Variants in DACT1 observed in about 807,000 individuals in gnomAD.
The protein encoded by DACT1 is dishevelled binding antagonist of beta catenin 1, also known as dapper homolog 1.
DACT1 carries 19 observed loss-of-function variants against 35.3 expected under a neutral mutation model. That is an observed-to-expected ratio of 0.54 (90% CI 0.38 to 0.79). DACT1 has a LOEUF of 0.79. Among genes scored for constraint, DACT1 ranks in the 30% least tolerant of loss-of-function variants. The probability of loss-of-function intolerance (pLI) is 0.00; values close to 1 mark genes in which losing one functional copy is unlikely to be tolerated. For missense variants in DACT1, 1,143 were observed against 1,057.5 expected, an observed-to-expected ratio of 1.08 and a Z score of -1.12; for synonymous variants, 545 against 466.7, an observed-to-expected ratio of 1.17 and a Z score of -2.16.
In DACT1 at chr14:58,639,343, T is replaced by C. The variant is rs1360583733; in HGVS notation, c.345+796T>C. ...TCATTAATGGGGAAGAAAAAGAACT[T>C]TGTAGCTTAATGTATTGATGAACAG... On this transcript the variant is annotated intron_variant, in intron 1 of 3. Coordinates refer to ENST00000395153, the MANE Select transcript of DACT1 (RefSeq NM_001079520.2). 3 of 865,894 alleles carry C rather than the reference T, an allele frequency of 3.5e-6. No homozygotes were observed. In the African/African-American group the frequency reaches 5.5e-5, roughly 16 times the overall value. The allele number at this position is 865,894 out of a possible 1,614,324, so 53.6% of individuals were successfully genotyped here.
At chr14:58,642,714 A>G (rs2047639606) in intron 3 of DACT1, among the ~76,000 whole-genome samples, 1 of 152,176 alleles carries the variant, frequency 6.6e-6, no homozygotes. Context: ...TCAGTCTAAC[A>G]CTCACATTAA....
chr14:58,647,293 G>T lies in DACT1; in HGVS notation c.*159G>T. The T allele has an allele frequency of 1.2e-6, 1 of 817,092 alleles. No homozygotes were observed. Among genetic ancestry groups the T allele is most frequent in the Non-Finnish European group, 1.9e-6 (1 of 523,234 alleles). 50.6% of individuals were successfully genotyped at this position (817,092 alleles called of 1,614,324 possible). A position where few individuals can be genotyped will look rare whatever the true frequency, so the allele number is the denominator to read the frequency against. On this transcript the variant is annotated 3_prime_UTR_variant, in exon 4 of 4. Coordinates refer to ENST00000395153, the MANE Select transcript of DACT1 (RefSeq NM_001079520.2). ...AATTATTGTTTCATCTTCACGTATGGATGCTAGTGCCTTTAATGGAAGGTA... is the reference window on the plus strand; with the variant it reads ...AATTATTGTTTCATCTTCACGTATGTATGCTAGTGCCTTTAATGGAAGGTA...
Position 58,646,641 on chromosome 14 carries a change from G to T in DACT1, c.1907G>T (p.Arg636Leu). The change falls in exon 4 of 4, where the codon CGA (arginine) becomes CTA (leucine). Residue 636 changes from arginine to leucine, a missense_variant. Arg to Leu is a moderately radical substitution (Grantham distance 102). Around this residue, in one of 3 missense-constraint regions of DACT1, gnomAD observed 1,054 missense variants for 958.8 expected, o/e 1.10. Transcript: ENST00000395153. ...GTGGTGGCCAAACCTAAGCACAAGC[G>T]AACTGACTACCGGCGGTGGAAGTCC... ...EAVVAKPKHK[R>L]TDYRRWKSSA... 2 of 1,612,060 alleles carry T rather than the reference G, an allele frequency of 1.2e-6. No homozygotes were observed. The highest frequency in any genetic ancestry group is 2.2e-5 in the East Asian group (1 of 44,820).
In DACT1 at chr14:58,645,923, C is replaced by T; in HGVS notation, c.1189C>T (p.Pro397Ser). 6.2e-7 allele frequency: 1 copy of T among 1,614,092 alleles called. No homozygotes were observed. Among genetic ancestry groups the T allele is most frequent in the Non-Finnish European group, 8.5e-7 (1 of 1,180,040 alleles). Residue 397 changes from proline (P) to serine (S), a missense_variant, in exon 4 of 4, where the codon CCC becomes TCC. Physicochemically the swap from Pro to Ser is moderately conservative, Grantham distance 74. Coordinates refer to ENST00000395153, the MANE Select transcript of DACT1 (RefSeq NM_001079520.2). ...CGAACAAGCCGAAAGCAAGAGGGTG[C>T]CCCTGCCAGAGGGCTGCCCCTCAGG... Reference protein sequence around the residue: ...KAEQAESKRVPLPEGCPSGAA... With the variant: ...KAEQAESKRVSLPEGCPSGAA...
At chr14:58,645,333 C>G in intron 3 of DACT1, 36 bp from the exon 4 acceptor site, 3 of 1,614,242 alleles carry the variant, frequency 1.9e-6, no homozygotes, top group Non-Finnish European at 2.5e-6. Context: ...CGTTCCCTCT[C>G]CACACCACAA....
upstream of DACT1, among the ~76,000 whole-genome samples, chr14:58,637,391 T>C (rs2047580226): frequency 6.6e-6 from 1 of 152,228 alleles, no homozygotes; most frequent in Non-Finnish European, 1.5e-5. Flanking sequence ...GAACACTGCA[T>C]TGTGCTCTGT....
chr14:58,646,712 G>C lies in DACT1; in HGVS notation c.1978G>C (p.Gly660Arg), dbSNP rs698025. ...YEEALRRARR[G>R]RRENVGLYPA... is the part of the protein sequence containing the mutation. The stretch of plus-strand genomic sequence containing the variant: ...AGAGGCCCTGAGGAGGGCCCGGCGC[G>C]GTCGCCGGGAGAATGTGGGGCTGTA... Residue 660 changes from glycine (G) to arginine (R), a missense_variant, in exon 4 of 4, where the codon GGT (glycine) becomes CGT (arginine). Coordinates refer to ENST00000395153, the MANE Select transcript of DACT1 (RefSeq NM_001079520.2). 1.2e-6 allele frequency: 2 copies of C among 1,613,012 alleles called. No individual in the cohort carries two copies. The highest frequency in any genetic ancestry group is 2.2e-5 in the East Asian group (1 of 44,856).
Position 58,646,915 on chromosome 14 carries a change from C to T in DACT1, c.2181C>T (p.Gly727=), listed in dbSNP as rs140041218. Residue 727 remains glycine, a synonymous_variant, in exon 4 of 4, where the codon GGC becomes GGT. Coordinates refer to ENST00000395153, the MANE Select transcript of DACT1 (RefSeq NM_001079520.2). ...FGDSESSVSE[G]EFVGESTTTS... is the part of the protein sequence containing the mutation. ...ACAGCGAGTCGAGTGTGAGCGAGGG[C>T]GAGTTCGTGGGGGAGAGCACAACCA... 61 of 1,614,022 alleles carry T rather than the reference C, an allele frequency of 3.8e-5. No individual in the cohort carries two copies. The highest frequency in any genetic ancestry group is 5.0e-5 in the Non-Finnish European group (59 of 1,180,008).
At chr14:58,645,317 G>T (rs763033740) in intron 3 of DACT1, 52 bp from the exon 4 acceptor site, 1 of 1,614,216 alleles carries the variant, frequency 6.2e-7, no homozygotes, top group African/African-American at 1.3e-5. Flanking sequence ...CTCAGGGGCA[G>T]TTTGCCGTTC....
In DACT1 at chr14:58,646,530, G is replaced by A. The variant is rs1175763665; in HGVS notation, c.1796G>A (p.Gly599Asp). Residue 599 changes from glycine to aspartate, a missense_variant, in exon 4 of 4, where the codon GGC becomes GAC. Physicochemically the swap from Gly to Asp is moderately conservative, Grantham distance 94 (BLOSUM62 -1). Around this residue, in one of 3 missense-constraint regions of DACT1, gnomAD observed 1,054 missense variants for 958.8 expected, o/e 1.10. Transcript: ENST00000395153. ...KASSKGRKSG[G>D]GPEAGVPGRP... The stretch of plus-strand genomic sequence containing the variant: ...TCCTCCAAGGGGAGGAAGAGTGGGG[G>A]CGGGCCCGAGGCTGGTGTTCCCGGC... 19 of 1,556,182 alleles carry A rather than the reference G, an allele frequency of 1.2e-5. No homozygotes were observed. The highest frequency in any genetic ancestry group is 1.4e-5 in the Non-Finnish European group (16 of 1,153,814).
chr14:58,644,571 C>T (rs150088075), intron 3 of DACT1, among the ~76,000 whole-genome samples: 296 of 152,126 alleles, frequency 1.9e-3, no homozygotes, highest in Non-Finnish European at 3.4e-3. Flanking sequence ...AAACATAAGG[C>T]GATTATTATT....
upstream of DACT1, among the ~76,000 whole-genome samples, chr14:58,637,422 G>A (rs1358859681): frequency 1.3e-5 from 2 of 152,220 alleles, no homozygotes; most frequent in African/African-American, 4.8e-5. Context: ...TTTACAAAGT[G>A]GAGTTAAGGA....
chr14:58,634,650 T>C (rs1293098080), upstream of DACT1, among the ~76,000 whole-genome samples: 1 of 152,198 alleles, frequency 6.6e-6, no homozygotes, highest in Non-Finnish European at 1.5e-5. Flanking sequence ...CCCAATTACA[T>C]CATTTGTGTT....
rs1160923292 is a variant in DACT1, at chr14:58,646,694, C to T, written c.1960C>T (p.Leu654=). 5 of 1,613,142 alleles carry T rather than the reference C, an allele frequency of 3.1e-6. No homozygotes were observed. Among genetic ancestry groups the T allele is most frequent in the Non-Finnish European group, 4.2e-6 (5 of 1,179,924 alleles). The part of the protein sequence containing the change: ...SSAEISYEEA[L]RRARRGRREN... ...GGCCGAGATTTCCTACGAAGAGGCC[C>T]TGAGGAGGGCCCGGCGCGGTCGCCG... The change falls in exon 4 of 4, where the codon CTG becomes TTG. Residue 654 remains leucine, a synonymous_variant. Transcript: ENST00000395153.
Position 58,638,118 on chromosome 14 carries a change from C to G in DACT1, c.-85C>G. ...GCCCCGCCACAGGGCGGCATGAGCC[C>G]ACCCGCGGCCGCAGCCCTAGCGCCC... On this transcript the variant is annotated 5_prime_UTR_variant, in exon 1 of 4. Coordinates refer to ENST00000395153, the MANE Select transcript of DACT1 (RefSeq NM_001079520.2). 1 of 1,211,712 alleles carries G rather than the reference C, an allele frequency of 8.3e-7. No individual in the cohort carries two copies. Among genetic ancestry groups the G allele is most frequent in the East Asian group, 3.4e-5 (1 of 29,160 alleles). 75.1% of individuals were successfully genotyped at this position (1,211,712 alleles called of 1,614,324 possible).
chr14:58,645,878 T>C lies in DACT1; in HGVS notation c.1144T>C (p.Trp382Arg). 1 of 1,614,162 alleles carries C rather than the reference T, an allele frequency of 6.2e-7. No individual in the cohort carries two copies. Among genetic ancestry groups the C allele is most frequent in the South Asian group, 1.1e-5 (1 of 91,082 alleles). Reference protein sequence around the residue: ...NNGTFSPPKQWSKESKAEQAE... With the variant: ...NNGTFSPPKQRSKESKAEQAE... ...TGGGACATTCTCCCCACCGAAGCAG[T>C]GGTCGAAAGAATCAAAGGCCGAACA... The change falls in exon 4 of 4, where the codon TGG (tryptophan) becomes CGG (arginine). Residue 382 changes from tryptophan to arginine, a missense_variant. By Grantham distance (101) the Trp-to-Arg change is moderately radical (BLOSUM62 -3). Around this residue, in one of 3 missense-constraint regions of DACT1, gnomAD observed 1,054 missense variants for 958.8 expected, o/e 1.10. Transcript: ENST00000395153.
In DACT1 at chr14:58,638,212, A is replaced by G. The variant is rs940102574; in HGVS notation, c.10A>G (p.Ser4Gly). The G allele has an allele frequency of 3.4e-5, 45 of 1,340,280 alleles. No individual in the cohort carries two copies. The highest frequency in any genetic ancestry group is 4.2e-5 in the Non-Finnish European group (44 of 1,046,754). The allele number at this position is 1,340,280 out of a possible 1,614,324, so 83.0% of individuals were successfully genotyped here. ...TGCCCGACTGGGGGCCATGAAGCCG[A>G]GTCCGGCCGGGACGGCGAAGGAGCT... MKP[S>G]PAGTAKELEP... Residue 4 changes from serine to glycine, a missense_variant, in exon 1 of 4, where the codon AGT becomes GGT. Ser to Gly is a moderately conservative substitution (Grantham distance 56). Transcript: ENST00000395153.
Position 58,647,164 on chromosome 14 carries a change from GTT to G in DACT1, c.*38_*39del. 6.4e-7 allele frequency: 1 copy of G among 1,573,976 alleles called. No individual in the cohort carries two copies. The highest frequency in any genetic ancestry group is 8.6e-7 in the Non-Finnish European group (1 of 1,163,724). On this transcript the variant is annotated 3_prime_UTR_variant, in exon 4 of 4. Transcript: ENST00000395153. ...CATCATTGGTGTAGAAAGTTTGTGT[GTT>G]TTTTTTTCTTCTCCCTAGTTGCCAA...
At chr14:58,640,100 GAGTT>G (rs533772598) in intron 1 of DACT1, among the ~76,000 whole-genome samples, 1 of 152,214 alleles carries the variant, frequency 6.6e-6, no homozygotes, top group Non-Finnish European at 1.5e-5. Flanking sequence ...GTGGCAGTGT[GAGTT>G]AGCACAATCC....
Sources: allele counts gnomAD v4.1 joint callset (sites outside exome capture counted in the v4.1 genomes callset), GRCh38; gene constraint gnomAD v4.1.1; regional missense constraint gnomAD v4.1.1; transcripts MANE v1.5; gene names NCBI Gene and HGNC (gene_info 2026-07-23, HGNC 2026-07-21).